Variants in ARRB1 observed in about 807,000 individuals in gnomAD.
ARRB1 encodes the protein arrestin beta 1, also known as beta-arrestin-1.
Under a neutral mutation model 56.8 loss-of-function variants are expected in ARRB1, and 21 were observed. The observed-to-expected ratio is 0.37, with a 90% CI of 0.26 to 0.53. The LOEUF is 0.53. ARRB1 is among the 20% of genes least tolerant of loss of function. The pLI, the probability that ARRB1 is intolerant of heterozygous loss-of-function variation, is 0.88. For missense variants in ARRB1, 424 were observed against 553.7 expected, an observed-to-expected ratio of 0.77 and a Z score of 2.35; for synonymous variants, 210 against 218.6, an observed-to-expected ratio of 0.96 and a Z score of 0.35.
chr11:75,344,734 C>T (rs1947740132), intron 1 of ARRB1, among the ~76,000 whole-genome samples: 1 of 152,144 alleles, frequency 6.6e-6, no homozygotes. Context: ...TCCCAGGGCT[C>T]ATGTGGGAGA....
At chr11:75,302,684 G>A (rs1436935502) in intron 1 of ARRB1, among the ~76,000 whole-genome samples, 5 of 152,168 alleles carry the variant, frequency 3.3e-5, no homozygotes. Context: ...CTAGAGAATG[G>A]GGATAATATC....
intron 5 of ARRB1, among the ~76,000 whole-genome samples, chr11:75,282,793 G>A (rs1378645795): frequency 6.6e-6 from 1 of 152,202 alleles, no homozygotes; most frequent in African/African-American, 2.4e-5. Context: ...CTCCAAGAAA[G>A]GGAGAGACCA....
Position 75,282,018 on chromosome 11 carries a change from G to A in ARRB1, c.358C>T (p.Pro120Ser). ...GTCACAGAACATGGAAGGTTTGGAG[G>A]GATCTGTCAAGAAGAGGACAGAACG... is the stretch of plus-strand genomic sequence containing the variant. ...EHAYPFTFEI[P>S]PNLPCSVTLQ... The change falls in exon 6 of 16, where the codon CCT becomes TCT. Residue 120 changes from proline to serine, a missense_variant. Around this residue, in one of 3 missense-constraint regions of ARRB1, gnomAD observed 301 missense variants for 387.9 expected, o/e 0.78. Transcript: ENST00000420843. The A allele has an allele frequency of 6.2e-7, 1 of 1,614,092 alleles. No individual in the cohort carries two copies. Among genetic ancestry groups the A allele is most frequent in the Non-Finnish European group, 8.5e-7 (1 of 1,179,984 alleles).
At chr11:75,288,255 T>C (rs1353070281) in intron 2 of ARRB1, among the ~76,000 whole-genome samples, 1 of 152,210 alleles carries the variant, frequency 6.6e-6, no homozygotes, top group African/African-American at 2.4e-5. Context: ...AAAGGTGACA[T>C]CCAGCTAATG....
At chr11:75,296,187 A>G (rs1214034570) in intron 1 of ARRB1, among the ~76,000 whole-genome samples, 1 of 136,670 alleles carries the variant, frequency 7.3e-6, no homozygotes, top group Admixed American at 7.1e-5. Flanking sequence ...CTTTGTCTCA[A>G]AAAAAAAAAA....
chr11:75,285,775 G>A (rs2140430844), intron 3 of ARRB1, among the ~76,000 whole-genome samples: 1 of 152,282 alleles, frequency 6.6e-6, no homozygotes, highest in South Asian at 2.1e-4. Context: ...GCCTGCGTGT[G>A]TTGGGGGCTG....
At chr11:75,297,139 T>C (rs773010195) in intron 1 of ARRB1, among the ~76,000 whole-genome samples, 12 of 152,192 alleles carry the variant, frequency 7.9e-5, no homozygotes, top group Non-Finnish European at 8.8e-5. Flanking sequence ...GATGTTAAGA[T>C]GCCTACGCTC....
chr11:75,320,279 G>C (rs1230137703), intron 1 of ARRB1, among the ~76,000 whole-genome samples: 3 of 152,190 alleles, frequency 2.0e-5, no homozygotes, highest in African/African-American at 7.2e-5. Flanking sequence ...GAGGGGGCTG[G>C]AGTGGAGCCA....
chr11:75,279,826 C>A (rs1591908295), intron 7 of ARRB1, among the ~76,000 whole-genome samples: 3 of 152,294 alleles, frequency 2.0e-5, no homozygotes, highest in Middle Eastern at 6.8e-3. Flanking sequence ...TGCCACCACA[C>A]CTGCCTAATT....
At chr11:75,277,205 C>A (rs1031311422) in intron 9 of ARRB1, among the ~76,000 whole-genome samples, 159 bp downstream of exon 9, 1 of 152,238 alleles carries the variant, frequency 6.6e-6, no homozygotes, top group African/African-American at 2.4e-5. Context: ...CCTGCCTTAC[C>A]CAACTCAAAA....
intron 12 of ARRB1, 49 bp from the exon 13 acceptor site, chr11:75,271,773 G>A: frequency 6.5e-7 from 1 of 1,544,916 alleles, no homozygotes; most frequent in Non-Finnish European, 8.7e-7. Flanking sequence ...AGAGTTCAGA[G>A]AGGAAGAAAA....
intron 1 of ARRB1, among the ~76,000 whole-genome samples, chr11:75,316,655 C>T (rs1947271080): frequency 6.6e-6 from 1 of 151,922 alleles, no homozygotes; most frequent in South Asian, 2.1e-4. Flanking sequence ...GATGGCTCAC[C>T]CCTGTAATCC....
At chr11:75,332,628 G>A (rs555253922) in intron 1 of ARRB1, among the ~76,000 whole-genome samples, 1 of 152,320 alleles carries the variant, frequency 6.6e-6, no homozygotes, top group South Asian at 2.1e-4. Flanking sequence ...CAGGCGCGGT[G>A]GCTCACGCCT....
Position 75,261,791 on chromosome 11 carries a change from C to G in ARRB1, c.*4372G>C, listed in dbSNP as rs1290404965. 1 of 152,210 alleles carries G rather than the reference C, an allele frequency of 6.6e-6. No individual in the cohort carries two copies. Among genetic ancestry groups the G allele is most frequent in the Admixed American group, 6.5e-5 (1 of 15,274 alleles). 9.4% of individuals were successfully genotyped at this position (152,210 alleles called of 1,614,324 possible). A position where few individuals can be genotyped will look rare whatever the true frequency, so the allele number is the denominator to read the frequency against. ...AGCTGCCTGGGCCAGGAGGAAACAC[C>G]AAGCCCAGTGCAGGCCGTATAGATG... On this transcript the variant is annotated 3_prime_UTR_variant, in exon 16 of 16. Coordinates refer to ENST00000420843, the MANE Select transcript of ARRB1 (RefSeq NM_004041.5).
At position 75,262,644 on chromosome 11, in the gene ARRB1, T is replaced by A. The variant is rs899197347; in HGVS notation, c.*3519A>T. On this transcript the variant is annotated 3_prime_UTR_variant, in exon 16 of 16. Coordinates refer to ENST00000420843, the MANE Select transcript of ARRB1 (RefSeq NM_004041.5). ...TGACTTTCATCTCATCTGGGCCTCA[T>A]AACAATTCCTGCGTCAGGCAGGGAA... Among the ~76,000 whole-genome samples, 10 of 152,198 alleles carry A rather than the reference T, an allele frequency of 6.6e-5. No homozygotes were observed. Among genetic ancestry groups the A allele is most frequent in the African/African-American group, 2.4e-4 (10 of 41,442 alleles).
Position 75,270,636 on chromosome 11 carries a change from A to G in ARRB1, c.1022+1065T>C, listed in dbSNP as rs117447877. Among the ~76,000 whole-genome samples, 18 of 152,034 alleles carry G rather than the reference A, an allele frequency of 1.2e-4. No individual in the cohort carries two copies. In the East Asian group the frequency reaches 3.5e-3, roughly 29 times the overall value. On this transcript the variant is annotated intron_variant, in intron 13 of 15. Coordinates refer to ENST00000420843, the MANE Select transcript of ARRB1 (RefSeq NM_004041.5). Reference sequence around the variant, plus strand: ...AGTGAGATTCTGTCTCAAAAAAAAAAAAAAAAATTAGCTGGGCATAGTAGA... The same window carrying G: ...AGTGAGATTCTGTCTCAAAAAAAAAGAAAAAAATTAGCTGGGCATAGTAGA...
At chr11:75,267,618 A>AC in intron 15 of ARRB1, 34 bp downstream of exon 15, 7 of 777,528 alleles carry the variant, frequency 9.0e-6, no homozygotes, top group Non-Finnish European at 1.3e-5. Flanking sequence ...CCCGCGGCCC[A>AC]CCCCCGGATG....
chr11:75,267,836 TG>T, intron 14 of ARRB1, 133 bp from the exon 15 acceptor site: 1 of 747,738 alleles, frequency 1.3e-6, no homozygotes, highest in Non-Finnish European at 2.3e-6. Context: ...GGAATGGAGA[TG>T]GGGGAGGACT....
At chr11:75,341,692 A>G (rs940075026) in intron 1 of ARRB1, among the ~76,000 whole-genome samples, 1 of 152,146 alleles carries the variant, frequency 6.6e-6, no homozygotes, top group Non-Finnish European at 1.5e-5. Flanking sequence ...TCCTACACAG[A>G]TGGAAATGAC....
Sources: gnomAD v4.1 joint callset for allele counts (sites outside exome capture counted in the v4.1 genomes callset) on GRCh38, gnomAD v4.1.1 for gene constraint, gnomAD v4.1.1 regional missense constraint, MANE v1.5 for transcripts, NCBI Gene and HGNC (gene_info 2026-07-23, HGNC 2026-07-21) for gene names.